ALDH5A1: variants seen among roughly 807,000 people sequenced by gnomAD.
ALDH5A1 encodes succinate-semialdehyde dehydrogenase, mitochondrial.
Under a neutral mutation model 54.7 loss-of-function variants are expected in ALDH5A1, and 33 were observed. That is an observed-to-expected ratio of 0.60 (90% confidence interval 0.46 to 0.81). The LOEUF is 0.81. Among genes scored for constraint, ALDH5A1 ranks in the 30% least tolerant of loss-of-function variants. ALDH5A1 has a pLI of 0.00. For synonymous variants in ALDH5A1, 294 were observed against 292.7 expected (o/e 1.00, Z -0.05); for missense variants, 657 against 711.0 (o/e 0.92, Z 0.86).
intron 4 of ALDH5A1, among the ~76,000 whole-genome samples, chr6:24,512,851 G>A (rs962837196): frequency 7.9e-5 from 12 of 151,906 alleles, no homozygotes; most frequent in Non-Finnish European, 1.5e-4. Context: ...CATCATGCCC[G>A]TCTATTTTTT....
intron 4 of ALDH5A1, among the ~76,000 whole-genome samples, chr6:24,513,117 T>G (rs574172649): frequency 3.5e-4 from 53 of 152,230 alleles, no homozygotes; most frequent in African/African-American, 1.1e-3. Flanking sequence ...TGGAGTACTG[T>G]GTTGCTATCA....
chr6:24,526,844 C>CTATATATATATATTCTA (rs1561878317), intron 7 of ALDH5A1, among the ~76,000 whole-genome samples: 102 of 132,782 alleles, frequency 7.7e-4, no homozygotes, highest in African/African-American at 3.1e-3. Flanking sequence ...TATATCTTCT[C>CTATATATATATATTCTA]TATATATATA....
Position 24,520,424 on chromosome 6 carries a change from C to G in ALDH5A1, c.894C>G (p.Asn298Lys). Reference protein sequence around the residue: ...TGKILLHHAANSVKRVSMELG... With the variant: ...TGKILLHHAAKSVKRVSMELG... ...AGATCCTGTTGCACCACGCAGCAAACTCTGTGAAAAGGGTCTCTATGGAGC... is the reference window on the plus strand; with the variant it reads ...AGATCCTGTTGCACCACGCAGCAAAGTCTGTGAAAAGGGTCTCTATGGAGC... Residue 298 changes from asparagine (N) to lysine (K), a missense_variant, in exon 6 of 10, where the codon AAC becomes AAG. By Grantham distance (94) the Asn-to-Lys change is moderately conservative. Coordinates refer to ENST00000357578, the MANE Select transcript of ALDH5A1 (RefSeq NM_001080.3). 6.2e-7 allele frequency: 1 copy of G among 1,614,128 alleles called. No individual in the cohort carries two copies. The highest frequency in any genetic ancestry group is 8.5e-7 in the Non-Finnish European group (1 of 1,180,022).
chr6:24,505,954 T>G (rs1037548792), intron 4 of ALDH5A1, among the ~76,000 whole-genome samples: 2 of 151,168 alleles, frequency 1.3e-5, no homozygotes, highest in African/African-American at 4.9e-5. Flanking sequence ...GGCAACAGAG[T>G]GAGACTCAGT....
intron 6 of ALDH5A1, among the ~76,000 whole-genome samples, chr6:24,521,952 C>T (rs528829228): frequency 5.3e-5 from 8 of 151,156 alleles, no homozygotes; most frequent in African/African-American, 1.9e-4. Context: ...CTGCAACCTC[C>T]ACCTCCCGGA....
At chr6:24,505,087 C>T (rs1419660841) in intron 4 of ALDH5A1, 102 bp downstream of exon 4, 23 of 1,181,930 alleles carry the variant, frequency 1.9e-5, no homozygotes, top group South Asian at 1.8e-4. Flanking sequence ...TCTTTGCTTA[C>T]GCCTCCTGAT....
chr6:24,523,515 C>T (rs1759743819), intron 7 of ALDH5A1, among the ~76,000 whole-genome samples: 1 of 152,210 alleles, frequency 6.6e-6, no homozygotes, highest in Admixed American at 6.5e-5. Flanking sequence ...GCCATTGCAC[C>T]AAGTCCCCAT....
chr6:24,519,377 C>T (rs1759632303), intron 5 of ALDH5A1, among the ~76,000 whole-genome samples: 2 of 152,078 alleles, frequency 1.3e-5, no homozygotes, highest in African/African-American at 4.8e-5. Context: ...CCAGCCTGGC[C>T]AACATGACGA....
rs1040912315 is a variant in ALDH5A1 at position 24,526,355 on chromosome 6, G to A, written c.1174-1642G>A. The stretch of plus-strand genomic sequence containing the variant: ...AGCAGATAAATTAGGGAACTGGAAG[G>A]AAATTTTCTAAAAATCTCATAGTGT... On this transcript the variant is annotated intron_variant, in intron 7 of 9. Coordinates refer to ENST00000357578, the MANE Select transcript of ALDH5A1 (RefSeq NM_001080.3). Among the ~76,000 whole-genome samples, 21 of 152,240 alleles carry A rather than the reference G, an allele frequency of 1.4e-4. No individual in the cohort carries two copies. In the Middle Eastern group the frequency reaches 0.017, roughly 123 times the overall value.
At chr6:24,505,072 C>T (rs1759311872) in intron 4 of ALDH5A1, 87 bp downstream of exon 4, 7 of 1,406,000 alleles carry the variant, frequency 5.0e-6, no homozygotes, top group Non-Finnish European at 6.0e-6. Context: ...ATTTTGGAGC[C>T]TACTTCTTTG....
At chr6:24,510,248 C>G (rs1383368580) in intron 4 of ALDH5A1, among the ~76,000 whole-genome samples, 1 of 152,086 alleles carries the variant, frequency 6.6e-6, no homozygotes, top group Non-Finnish European at 1.5e-5. Context: ...GGAGAAAGTT[C>G]CATGCACTAA....
chr6:24,497,626 A>G (rs1266409488), intron 1 of ALDH5A1, among the ~76,000 whole-genome samples: 1 of 150,644 alleles, frequency 6.6e-6, no homozygotes, highest in Non-Finnish European at 1.5e-5. Context: ...TTCACCTCTC[A>G]TAAGGACATT....
rs530918624 is a variant in ALDH5A1 at position 24,526,846 on chromosome 6, A to C, written c.1174-1151A>C. Reference sequence around the variant, plus strand: ...AAGGGAATATATATATATCTTCTCTATATATATATATTCTATATATATATA... The same window carrying C: ...AAGGGAATATATATATATCTTCTCTCTATATATATATTCTATATATATATA... On this transcript the variant is annotated intron_variant, in intron 7 of 9. Coordinates refer to ENST00000357578, the MANE Select transcript of ALDH5A1 (RefSeq NM_001080.3). 5.1e-3 allele frequency among the ~76,000 whole-genome samples: 694 copies of C among 135,762 alleles called. 3 individuals are homozygous for C. Among genetic ancestry groups the C allele is most frequent in the African/African-American group, 0.012 (391 of 32,928 alleles). 89.1% of individuals were successfully genotyped at this position (135,762 alleles called of 152,430 possible).
chr6:24,516,047 TTTTC>T (rs768525172), intron 5 of ALDH5A1, among the ~76,000 whole-genome samples: 9 of 152,176 alleles, frequency 5.9e-5, no homozygotes, highest in Non-Finnish European at 1.2e-4. Flanking sequence ...GGAAAGGTCT[TTTTC>T]TTTGAGTTTT....
intron 1 of ALDH5A1, among the ~76,000 whole-genome samples, chr6:24,501,875 T>TTATA (rs59853869): frequency 1.6e-4 from 23 of 144,534 alleles, no homozygotes; most frequent in South Asian, 6.7e-4. Flanking sequence ...AACCAATGTT[T>TTATA]TATATATATA....
intron 4 of ALDH5A1, chr6:24,511,821 CT>C: frequency 5.9e-6 from 3 of 509,074 alleles, no homozygotes; most frequent in South Asian, 3.8e-5. Flanking sequence ...TATCTGAATT[CT>C]TTTTCAGGTA....
chr6:24,533,528 C>T lies in ALDH5A1; in HGVS notation c.1424C>T (p.Pro475Leu). 3 of 1,614,120 alleles carry T rather than the reference C, an allele frequency of 1.9e-6. No homozygotes were observed. The highest frequency in any genetic ancestry group is 2.5e-6 in the Non-Finnish European group (3 of 1,180,034). The change falls in exon 10 of 10, where the codon CCA (proline) becomes CTA (leucine). Residue 475 changes from proline to leucine, a missense_variant. By Grantham distance (98) the Pro-to-Leu change is moderately conservative. Transcript: ENST00000357578. ...ACAGGTTATTTTTACTCTCAAGACC[C>T]AGCCCAGATCTGGAGAGTGGCAGAG... ...GLAGYFYSQD[P>L]AQIWRVAEQL...
rs775932045 is a variant in ALDH5A1, at chr6:24,502,519, G to C, written c.355-4G>C. Reference sequence around the variant, plus strand: ...ACTTTTCTGCCTTGTTATTTCTTTTGCAGGAGAGGAGTTCATTACTTCGGA... The same window carrying C: ...ACTTTTCTGCCTTGTTATTTCTTTTCCAGGAGAGGAGTTCATTACTTCGGA... On this transcript the variant is annotated splice_polypyrimidine_tract_variant and splice_region_variant and intron_variant, in intron 1 of 9. Transcript: ENST00000357578. The C allele has an allele frequency of 6.2e-5, 99 of 1,604,214 alleles. No homozygotes were observed. The highest frequency in any genetic ancestry group is 8.3e-5 in the Non-Finnish European group (97 of 1,171,198).
intron 1 of ALDH5A1, among the ~76,000 whole-genome samples, chr6:24,501,742 TTTTA>T: frequency 6.6e-6 from 1 of 152,188 alleles, no homozygotes; most frequent in South Asian, 2.1e-4. Flanking sequence ...TTTTGATTTT[TTTTA>T]TTTGTGTGCT....
Sources: gnomAD v4.1 joint callset for allele counts (sites outside exome capture counted in the v4.1 genomes callset) on GRCh38, gnomAD v4.1.1 for gene constraint, MANE v1.5 for transcripts, NCBI Gene and HGNC (gene_info 2026-07-23, HGNC 2026-07-21) for gene names.